EPB41L3: variants seen among roughly 807,000 people sequenced by gnomAD.
EPB41L3 encodes erythrocyte membrane protein band 4.1 like 3.
Under a neutral mutation model 127.1 loss-of-function variants are expected in EPB41L3, and 57 were observed. The observed-to-expected ratio is 0.45, with a 90% CI of 0.36 to 0.56. The LOEUF is 0.56. Ranked by LOEUF, EPB41L3 falls within the 20% of genes least tolerant of loss-of-function variation. The probability of loss-of-function intolerance (pLI) is 0.00; values close to 1 mark genes in which losing one functional copy is unlikely to be tolerated. For missense variants in EPB41L3, 1,273 were observed against 1,372.2 expected (o/e 0.93, Z 1.14); for synonymous variants, 572 against 549.5 (o/e 1.04, Z -0.57).
upstream of EPB41L3, among the ~76,000 whole-genome samples, chr18:5,545,873 CTGTGTGTGTG>C (rs36213569): frequency 0.066 from 9,694 of 146,910 alleles, 474 homozygotes; most frequent in East Asian, 0.15. Context: ...CTGTATGACT[CTGTGTGTGTG>C]TGTGTGTGTG....
chr18:5,574,385 T>TG (rs1212078854), intron 3 of EPB41L3, among the ~76,000 whole-genome samples: 1 of 151,470 alleles, frequency 6.6e-6, no homozygotes, highest in Non-Finnish European at 1.5e-5. Flanking sequence ...AATCAGTTTT[T>TG]TTTTTTTTTT....
At chr18:5,423,239 T>A in intron 11 of EPB41L3, 139 bp downstream of exon 11, 1 of 818,390 alleles carries the variant, frequency 1.2e-6, no homozygotes, top group Non-Finnish European at 1.7e-6. Context: ...CTTAAAAATG[T>A]GCCATTCAGT....
intron 3 of EPB41L3, among the ~76,000 whole-genome samples, chr18:5,466,953 C>T (rs975011942): frequency 6.6e-6 from 1 of 152,106 alleles, no homozygotes; most frequent in African/African-American, 2.4e-5. Context: ...TTATAACCTG[C>T]CTTTCACGGG....
upstream of EPB41L3, among the ~76,000 whole-genome samples, chr18:5,629,602 C>G (rs1010322728): frequency 2.0e-5 from 3 of 152,210 alleles, no homozygotes; most frequent in Non-Finnish European, 4.4e-5. Flanking sequence ...AGGCCCCCCC[C>G]TCCCCCGCGT....
Position 5,407,861 on chromosome 18 carries a change from C to T in EPB41L3, c.2122-125G>A, listed in dbSNP as rs1446233571. The T allele has an allele frequency of 5.0e-6, 4 of 797,648 alleles. No individual in the cohort carries two copies. The Admixed American group carries it at 6.2e-5, about 12-fold the overall frequency. The allele number at this position is 797,648 out of a possible 1,614,324, so 49.4% of individuals were successfully genotyped here. On this transcript the variant is annotated intron_variant, in intron 14 of 22. Coordinates refer to ENST00000341928, the MANE Select transcript of EPB41L3 (RefSeq NM_012307.5). The stretch of plus-strand genomic sequence containing the variant: ...TGTACGCTCTTGCATATGGATGCCA[C>T]TTCTTTCTTATACACAAACCACAAC...
At chr18:5,497,815 T>C (rs1027590760) in intron 1 of EPB41L3, among the ~76,000 whole-genome samples, 1 of 152,180 alleles carries the variant, frequency 6.6e-6, no homozygotes, top group Non-Finnish European at 1.5e-5. Flanking sequence ...CAGATTAACA[T>C]GAATATGTTT....
intron 3 of EPB41L3, among the ~76,000 whole-genome samples, chr18:5,600,353 C>CTT (rs2094577798): frequency 6.6e-6 from 1 of 152,022 alleles, no homozygotes; most frequent in Admixed American, 6.6e-5. Flanking sequence ...GTAATTTTGC[C>CTT]TTTTTAAAAA....
At chr18:5,554,909 TA>T (rs2094013096) in intron 3 of EPB41L3, among the ~76,000 whole-genome samples, 1 of 152,180 alleles carries the variant, frequency 6.6e-6, no homozygotes, top group Non-Finnish European at 1.5e-5. Flanking sequence ...TGGTGATATT[TA>T]TAAAGATTTA....
intron 1 of EPB41L3, among the ~76,000 whole-genome samples, chr18:5,490,860 T>C (rs944570763): frequency 1.3e-5 from 2 of 152,166 alleles, no homozygotes; most frequent in African/African-American, 4.8e-5. Flanking sequence ...TAATAGTCAA[T>C]TCAACCCACC....
At chr18:5,494,874 T>C (rs893495489) in intron 1 of EPB41L3, among the ~76,000 whole-genome samples, 9 of 152,036 alleles carry the variant, frequency 5.9e-5, no homozygotes, top group Non-Finnish European at 1.0e-4. Context: ...CACAGGCAGG[T>C]CCTGCAAGGC....
chr18:5,407,641 G>T, intron 15 of EPB41L3, 60 bp downstream of exon 15: 3 of 1,551,418 alleles, frequency 1.9e-6, no homozygotes, highest in Non-Finnish European at 2.7e-6. Flanking sequence ...GACAAACAAT[G>T]ACTTATCACA....
intron 3 of EPB41L3, among the ~76,000 whole-genome samples, chr18:5,600,033 T>G (rs985580984): frequency 6.6e-6 from 1 of 152,198 alleles, no homozygotes; most frequent in African/African-American, 2.4e-5. Flanking sequence ...CTCCACTTAG[T>G]GGCTGCTAAG....
At chr18:5,615,597 C>A (rs1808926026) in intron 1 of EPB41L3, among the ~76,000 whole-genome samples, 1 of 152,156 alleles carries the variant, frequency 6.6e-6, no homozygotes, top group South Asian at 2.1e-4. Context: ...ACATTAGATA[C>A]TCCAGAAGTT....
intron 3 of EPB41L3, among the ~76,000 whole-genome samples, chr18:5,587,029 T>C (rs56030801): frequency 0.099 from 15,061 of 152,218 alleles, 787 homozygotes; most frequent in Middle Eastern, 0.15. Context: ...CATATTTTAG[T>C]TTGCCATGTT....
At chr18:5,527,376 A>C (rs965523392) in intron 1 of EPB41L3, among the ~76,000 whole-genome samples, 1 of 152,206 alleles carries the variant, frequency 6.6e-6, no homozygotes, top group African/African-American at 2.4e-5. Context: ...TCTTAATAAA[A>C]CCATACCTGC....
intron 6 of EPB41L3, among the ~76,000 whole-genome samples, chr18:5,437,170 C>T (rs975137818): frequency 1.6e-4 from 24 of 152,164 alleles, no homozygotes; most frequent in African/African-American, 5.8e-4. Context: ...GAATCCTACC[C>T]TCAAGGTGAT....
chr18:5,545,879 G>C (rs1219178733), upstream of EPB41L3, among the ~76,000 whole-genome samples: 2 of 29,496 alleles, frequency 6.8e-5, no homozygotes, highest in Admixed American at 6.4e-4. Context: ...GACTCTGTGT[G>C]TGTGTGTGTG....
intron 16 of EPB41L3, chr18:5,401,114 G>C: frequency 1.2e-6 from 1 of 840,086 alleles, no homozygotes; most frequent in Non-Finnish European, 1.9e-6. Context: ...GTTAGGAAGG[G>C]AGTTCTTTCA....
rs1485790847 is a variant in EPB41L3 at position 5,553,086 on chromosome 18, A to G, written c.-306+59254T>C. ...TTAAGAAAAGACTATTTCTACTACTATGGACACATTAAAGAACAGAAAAAG... is the reference window on the plus strand; with the variant it reads ...TTAAGAAAAGACTATTTCTACTACTGTGGACACATTAAAGAACAGAAAAAG... On this transcript the variant is annotated intron_variant, in intron 3 of 21. Coordinates refer to the EPB41L3 transcript ENST00000545076. Among the ~76,000 whole-genome samples the G allele has an allele frequency of 1.3e-5, 2 of 152,236 alleles. 1 individual carries two copies.
Sources: allele counts gnomAD v4.1 joint callset (sites outside exome capture counted in the v4.1 genomes callset), GRCh38; gene constraint gnomAD v4.1.1; transcripts MANE v1.5; gene names NCBI Gene and HGNC (gene_info 2026-07-23, HGNC 2026-07-21).